DOCK4: variants seen among roughly 807,000 people sequenced by gnomAD.
The protein encoded by DOCK4 is dedicator of cytokinesis 4, also known as dedicator of cytokinesis protein 4.
Under a neutral mutation model 268.1 loss-of-function variants are expected in DOCK4, and 97 were observed. The observed-to-expected ratio is 0.36, with a 90% confidence interval of 0.31 to 0.43. DOCK4 has a LOEUF of 0.43. Among genes scored for constraint, DOCK4 ranks in the 20% least tolerant of loss-of-function variants. DOCK4 has a pLI of 1.00. For synonymous variants in DOCK4, 954 were observed against 887.2 expected, an observed-to-expected ratio of 1.08 and a Z score of -1.34; for missense variants, 2,145 against 2,455.7, an observed-to-expected ratio of 0.87 and a Z score of 2.67.
chr7:112,014,789 T>G (rs1417716020), intron 1 of DOCK4, among the ~76,000 whole-genome samples: 1 of 152,268 alleles, frequency 6.6e-6, no homozygotes, highest in East Asian at 1.9e-4. Flanking sequence ...CCTGTGGTCC[T>G]GGCTATTCAA....
At chr7:111,927,566 C>T (rs530875141) in intron 12 of DOCK4, among the ~76,000 whole-genome samples, 11 of 152,230 alleles carry the variant, frequency 7.2e-5, no homozygotes, top group African/African-American at 2.4e-4. Flanking sequence ...TTAAAGTTTC[C>T]ATTCTTATTC....
chr7:111,864,955 A>G (rs1449809684), intron 22 of DOCK4, among the ~76,000 whole-genome samples: 1 of 152,258 alleles, frequency 6.6e-6, no homozygotes, highest in Admixed American at 6.5e-5. Context: ...TAAGATACAC[A>G]TATAATAGGA....
chr7:111,888,859 G>A (rs993699850), intron 16 of DOCK4, among the ~76,000 whole-genome samples: 7 of 152,090 alleles, frequency 4.6e-5, no homozygotes, highest in African/African-American at 1.7e-4. Context: ...AGAGGGTGGC[G>A]AAAGAGTATC....
intron 1 of DOCK4, among the ~76,000 whole-genome samples, chr7:112,083,033 T>C (rs1421945856): frequency 1.3e-5 from 2 of 152,120 alleles, no homozygotes; most frequent in Non-Finnish European, 2.9e-5. Context: ...GCACTAATTA[T>C]AATTAGCATT....
At chr7:111,901,276 A>G (rs1406353203) in intron 14 of DOCK4, among the ~76,000 whole-genome samples, 3 of 148,176 alleles carry the variant, frequency 2.0e-5, no homozygotes, top group South Asian at 2.2e-4. Context: ...GGAGGTTGCA[A>G]TGAGTGGAGA....
intron 1 of DOCK4, among the ~76,000 whole-genome samples, chr7:112,021,248 G>C (rs148020379): frequency 6.6e-6 from 1 of 152,332 alleles, no homozygotes; most frequent in African/African-American, 2.4e-5. Context: ...TGTTTTGGTA[G>C]TTCAGAAACT....
chr7:112,048,962 C>A (rs182589526), intron 1 of DOCK4, among the ~76,000 whole-genome samples: 1 of 151,496 alleles, frequency 6.6e-6, no homozygotes, highest in South Asian at 2.1e-4. Flanking sequence ...CTTTCAGAAA[C>A]GAATGTTAGA....
At chr7:111,875,259 A>G (rs939077372) in intron 17 of DOCK4, among the ~76,000 whole-genome samples, 1 of 152,188 alleles carries the variant, frequency 6.6e-6, no homozygotes, top group African/African-American at 2.4e-5. Flanking sequence ...TTATTTCATA[A>G]GTTGTTTTTT....
At chr7:111,772,109 G>C (rs1485174864) in intron 36 of DOCK4, among the ~76,000 whole-genome samples, 2 of 152,192 alleles carry the variant, frequency 1.3e-5, no homozygotes. Flanking sequence ...GAGGAATGGG[G>C]AGTTAGTGTT....
At chr7:112,033,866 A>C (rs757946256) in intron 1 of DOCK4, among the ~76,000 whole-genome samples, 1 of 152,194 alleles carries the variant, frequency 6.6e-6, no homozygotes, top group Non-Finnish European at 1.5e-5. Context: ...CATCATCATT[A>C]ATGTTTCCGT....
intron 1 of DOCK4, among the ~76,000 whole-genome samples, chr7:112,090,455 A>G (rs1300287733): frequency 6.6e-6 from 1 of 152,206 alleles, no homozygotes; most frequent in African/African-American, 2.4e-5. Flanking sequence ...CATTGCAAAA[A>G]TATCTGTTTA....
intron 1 of DOCK4, among the ~76,000 whole-genome samples, chr7:112,194,795 T>C (rs1820271475): frequency 6.6e-6 from 1 of 152,372 alleles, no homozygotes. Context: ...ATGCCAATTC[T>C]TCACCTCTGA....
chr7:111,947,130 C>A (rs1795681949), intron 8 of DOCK4, among the ~76,000 whole-genome samples: 1 of 152,108 alleles, frequency 6.6e-6, no homozygotes, highest in South Asian at 2.1e-4. Context: ...AGGGAACAAG[C>A]AGGGAAATGG....
At chr7:111,823,515 T>C (rs1239247420) in intron 26 of DOCK4, among the ~76,000 whole-genome samples, 2 of 152,110 alleles carry the variant, frequency 1.3e-5, no homozygotes, top group Non-Finnish European at 2.9e-5. Context: ...GCCGGTATAT[T>C]GCTTCCTTCA....
chr7:111,949,668 G>A (rs779776388), intron 8 of DOCK4, among the ~76,000 whole-genome samples: 6 of 151,810 alleles, frequency 4.0e-5, no homozygotes, highest in Non-Finnish European at 8.8e-5. Flanking sequence ...AACATCTATG[G>A]CCAATAAAAA....
At chr7:112,173,039 A>T (rs1818216200) in intron 1 of DOCK4, among the ~76,000 whole-genome samples, 1 of 152,210 alleles carries the variant, frequency 6.6e-6, no homozygotes, top group African/African-American at 2.4e-5. Flanking sequence ...CTGTTCACAC[A>T]GACATTTATA....
intron 1 of DOCK4, among the ~76,000 whole-genome samples, chr7:112,115,027 T>C (rs987232808): frequency 3.3e-5 from 5 of 152,292 alleles, no homozygotes; most frequent in Middle Eastern, 3.4e-3. Context: ...CTCCAGTCTA[T>C]CTATACTGCA....
chr7:111,950,836 A>G (rs1177900032), intron 8 of DOCK4, among the ~76,000 whole-genome samples: 1 of 152,218 alleles, frequency 6.6e-6, no homozygotes, highest in East Asian at 1.9e-4. Flanking sequence ...TATTATATTC[A>G]ACATACAGTA....
intron 1 of DOCK4, among the ~76,000 whole-genome samples, chr7:112,078,092 T>A (rs1479987090): frequency 6.6e-6 from 1 of 152,192 alleles, no homozygotes; most frequent in Non-Finnish European, 1.5e-5. Context: ...AATGGTATAC[T>A]GATACATGAA....
Sources: gnomAD v4.1 joint callset for allele counts (sites outside exome capture counted in the v4.1 genomes callset) on GRCh38, gnomAD v4.1.1 for gene constraint, MANE v1.5 for transcripts, NCBI Gene and HGNC (gene_info 2026-07-23, HGNC 2026-07-21) for gene names.